Variants in SCN1A observed in about 807,000 individuals in gnomAD.
SCN1A encodes sodium voltage-gated channel alpha subunit 1, also known as sodium channel protein type 1 subunit alpha.
A neutral mutation model predicts 193.7 loss-of-function variants in SCN1A; 13 were observed. The ratio of observed to expected loss-of-function variants is 0.07; its 90% CI spans 0.04 to 0.11. The LOEUF (loss-of-function observed/expected upper bound fraction) is 0.11. SCN1A is among the 10% of genes least tolerant of loss of function. SCN1A has a pLI of 1.00. For synonymous variants in SCN1A, 781 were observed against 843.6 expected, an observed-to-expected ratio of 0.93 and a Z score of 1.29; for missense variants, 1,432 against 2,451.1, an observed-to-expected ratio of 0.58 and a Z score of 8.78.
chr2:165,995,852 G>A (rs1226651141), intron 27 of SCN1A, among the ~76,000 whole-genome samples, 161 bp downstream of exon 27: 2 of 151,174 alleles, frequency 1.3e-5, no homozygotes, highest in African/African-American at 4.9e-5. Flanking sequence ...TTTTTTTGTT[G>A]TTACCATTAT....
intron 2 of SCN1A, among the ~76,000 whole-genome samples, chr2:166,094,566 T>G (rs1687168836): frequency 6.6e-6 from 1 of 152,196 alleles, no homozygotes; most frequent in South Asian, 2.1e-4. Context: ...ATTTTAGATG[T>G]TTCAAAGTAG....
At chr2:166,072,143 G>T (rs369057376) in intron 4 of SCN1A, among the ~76,000 whole-genome samples, 1 of 152,094 alleles carries the variant, frequency 6.6e-6, no homozygotes, top group Non-Finnish European at 1.5e-5. Context: ...AAAAGTTTAG[G>T]GGGTATTTTA....
chr2:166,033,945 T>G (rs1695982311), intron 19 of SCN1A, among the ~76,000 whole-genome samples: 1 of 147,620 alleles, frequency 6.8e-6, no homozygotes, highest in Admixed American at 6.9e-5. Context: ...ATTACTAAAT[T>G]TATTTTAACA....
chr2:166,081,669 CA>C (rs1371629512), intron 2 of SCN1A: 10 of 151,532 alleles, frequency 6.6e-5, no homozygotes, highest in Admixed American at 2.0e-4. Flanking sequence ...CAAGAAATAC[CA>C]TAACTAAGGT....
intron 4 of SCN1A, among the ~76,000 whole-genome samples, chr2:166,062,950 T>C (rs748756255): frequency 1.1e-4 from 17 of 152,096 alleles, no homozygotes; most frequent in Non-Finnish European, 2.4e-4. Context: ...AAGTTGGTGG[T>C]GGAGGAGAAA....
Position 166,002,679 on chromosome 2 carries a change from T to C in SCN1A, c.4077A>G (p.Leu1359=), listed in dbSNP as rs752589514. 2.5e-6 allele frequency: 4 copies of C among 1,611,802 alleles called. No homozygotes were observed. Among genetic ancestry groups the C allele is most frequent in the Non-Finnish European group, 3.4e-6 (4 of 1,178,668 alleles). Residue 1359 remains leucine, a synonymous_variant, in exon 24 of 29, where the codon CTA becomes CTG. Coordinates refer to ENST00000674923, the MANE Select transcript of SCN1A (RefSeq NM_001165963.4). ...NVLLVCLIFW[L]IFSIMGVNLF... The stretch of plus-strand genomic sequence containing the variant: ...AATTTACGCCCATGATGCTGAAAAT[T>C]AGCCAGAATATAAGACAAACCAGAA...
At position 166,043,993 on chromosome 2, in the gene SCN1A, G is replaced by T; in HGVS notation, c.1719C>A (p.Ser573Arg). 1 of 1,614,162 alleles carries T rather than the reference G, an allele frequency of 6.2e-7. No homozygotes were observed. Among genetic ancestry groups the T allele is most frequent in the Non-Finnish European group, 8.5e-7 (1 of 1,180,020 alleles). ...LFSPRRNSRT[S>R]LFSFRGRAKD... ...TTGCTCGCCCTCTAAAGCTGAAAAG[G>T]CTTGTTCTGCTATTTCGCCTTGGTG... Residue 573 changes from serine to arginine, a missense_variant, in exon 14 of 29, where the codon AGC becomes AGA. By Grantham distance (110) the Ser-to-Arg change is moderately radical. This residue lies in a region of SCN1A where 316 missense variants were observed against 362.1 expected (regional missense o/e 0.87). Transcript: ENST00000674923.
intron 4 of SCN1A, 64 bp downstream of exon 4, chr2:166,073,294 T>C: frequency 6.3e-7 from 1 of 1,594,222 alleles, no homozygotes; most frequent in Non-Finnish European, 8.6e-7. Context: ...GTGTTGGTGC[T>C]ACAACAGTCC....
Position 165,991,750 on chromosome 2 carries a change from G to A in SCN1A, c.5525C>T (p.Pro1842Leu). 1 of 1,613,900 alleles carries A rather than the reference G, an allele frequency of 6.2e-7. No homozygotes were observed. The highest frequency in any genetic ancestry group is 8.5e-7 in the Non-Finnish European group (1 of 1,179,916). Residue 1842 changes from proline (P) to leucine (L), a missense_variant, in exon 29 of 29, where the codon CCA (proline) becomes CTA (leucine). Pro to Leu is a moderately conservative substitution (Grantham distance 98). Transcript: ENST00000674923. ...AATGAGCTGGAGTTTGTTTGGTTGT[G>A]GCAGATTGAGAGGCGGTTCAAGCGC... Reference protein sequence around the residue: ...AAALEPPLNLPQPNKLQLIAM... With the variant: ...AAALEPPLNLLQPNKLQLIAM...
intron 19 of SCN1A, among the ~76,000 whole-genome samples, chr2:166,026,304 A>G (rs1005600338): frequency 1.3e-5 from 2 of 152,142 alleles, no homozygotes; most frequent in Non-Finnish European, 2.9e-5. Flanking sequence ...ATTTGCATCA[A>G]TATATTCTTA....
At chr2:165,993,664 C>A in intron 28 of SCN1A, 1 of 162,704 alleles carries the variant, frequency 6.1e-6, no homozygotes, top group Non-Finnish European at 1.3e-5. Flanking sequence ...CTACTATATG[C>A]ATTTGCTAAT....
At chr2:166,074,232 G>T (rs73969786) in intron 3 of SCN1A, among the ~76,000 whole-genome samples, 3,240 of 152,252 alleles carry the variant, frequency 0.021, 67 homozygotes, top group African/African-American at 0.047. Flanking sequence ...ACTATGTCCT[G>T]CTCACTTCAC....
intron 19 of SCN1A, among the ~76,000 whole-genome samples, chr2:166,020,294 T>A (rs1219541829): frequency 1.3e-5 from 2 of 152,186 alleles, no homozygotes; most frequent in African/African-American, 4.8e-5. Context: ...ATTGCTCTCT[T>A]ATTTAAACCC....
chr2:165,998,023 AT>A lies in SCN1A; in HGVS notation c.4476+14del. ...TTTCTATCTCAGTGGGAGAGAAAAT[AT>A]TAGAAATACTTATCTTCTTTTTCTG... On this transcript the variant is annotated intron_variant, in intron 26 of 28. Transcript: ENST00000674923. 5 of 1,590,016 alleles carry A rather than the reference AT, an allele frequency of 3.1e-6. No homozygotes were observed. The highest frequency in any genetic ancestry group is 3.4e-6 in the Non-Finnish European group (4 of 1,160,670).
intron 19 of SCN1A, among the ~76,000 whole-genome samples, chr2:166,023,450 C>T (rs560872740): frequency 3.3e-5 from 5 of 152,244 alleles, no homozygotes; most frequent in Non-Finnish European, 5.9e-5. Context: ...CTTCCTTTAG[C>T]CCATTTTTTA....
At chr2:166,046,172 A>G (rs1364212997) in intron 12 of SCN1A, among the ~76,000 whole-genome samples, 3 of 152,184 alleles carry the variant, frequency 2.0e-5, no homozygotes, top group Non-Finnish European at 4.4e-5. Context: ...GAGATAGGAG[A>G]GGCATTTTAT....
intron 4 of SCN1A, among the ~76,000 whole-genome samples, chr2:166,070,727 C>G (rs539276910): frequency 7.2e-5 from 11 of 151,996 alleles, no homozygotes; most frequent in Non-Finnish European, 1.3e-4. Flanking sequence ...GACATCCCCT[C>G]GAGACAATCA....
intron 2 of SCN1A, among the ~76,000 whole-genome samples, chr2:166,117,402 G>A (rs547425372): frequency 2.0e-5 from 3 of 151,970 alleles, no homozygotes; most frequent in Non-Finnish European, 2.9e-5. Flanking sequence ...CTAGTGTTTC[G>A]TCAAAGACAT....
chr2:166,146,506 T>C (rs1186870641), intron 1 of SCN1A, among the ~76,000 whole-genome samples: 1 of 152,206 alleles, frequency 6.6e-6, no homozygotes, highest in Non-Finnish European at 1.5e-5. Context: ...TGTCTGGAAA[T>C]ATCTTTGGTC....
Sources: allele counts gnomAD v4.1 joint callset (sites outside exome capture counted in the v4.1 genomes callset), GRCh38; gene constraint gnomAD v4.1.1; regional missense constraint gnomAD v4.1.1; transcripts MANE v1.5; gene names NCBI Gene and HGNC (gene_info 2026-07-23, HGNC 2026-07-21).